Variants in DRC3 observed in about 807,000 individuals in gnomAD.
DRC3 encodes the protein leucine rich repeat containing 48.
In DRC3, 45 loss-of-function variants were observed where a neutral mutation model predicts 57.6. The ratio of observed to expected loss-of-function variants is 0.78; its 90% CI spans 0.62 to 1.00. The LOEUF is 1.00. Ranked by LOEUF, DRC3 falls within the 50% of genes least tolerant of loss-of-function variation. The pLI, the probability that DRC3 is intolerant of heterozygous loss-of-function variation, is 0.00. For synonymous variants in DRC3, 257 were observed against 272.3 expected (o/e 0.94, Z 0.55); for missense variants, 655 against 675.2 (o/e 0.97, Z 0.33).
At chr17:17,999,502 G>T (rs1014960657) in intron 9 of DRC3, among the ~76,000 whole-genome samples, 13 of 152,112 alleles carry the variant, frequency 8.5e-5, no homozygotes, top group African/African-American at 3.1e-4. Flanking sequence ...CTCCCTGACA[G>T]GCCCTCTCCT....
At chr17:17,990,335 G>A (rs1433131125) in intron 5 of DRC3, among the ~76,000 whole-genome samples, 1 of 152,230 alleles carries the variant, frequency 6.6e-6, no homozygotes, top group African/African-American at 2.4e-5. Context: ...TGCCAGACAG[G>A]CAGCATCCAA....
chr17:18,009,345 G>A (rs1471893191), intron 12 of DRC3, among the ~76,000 whole-genome samples: 1 of 152,164 alleles, frequency 6.6e-6, no homozygotes, highest in Non-Finnish European at 1.5e-5. Context: ...GGAAGTCAAG[G>A]TGAGCCATGA....
intron 5 of DRC3, among the ~76,000 whole-genome samples, chr17:17,989,782 T>C (rs1301434591): frequency 6.6e-6 from 1 of 152,190 alleles, no homozygotes; most frequent in Non-Finnish European, 1.5e-5. Context: ...GGATTAACTT[T>C]CTTGCCACCT....
chr17:18,006,942 A>G (rs2043975937), intron 11 of DRC3, 82 bp from the exon 12 acceptor site: 1 of 1,575,120 alleles, frequency 6.3e-7, no homozygotes, highest in Non-Finnish European at 8.6e-7. Flanking sequence ...TGGGCCCTTA[A>G]AGTCTGTCTC....
intron 4 of DRC3, among the ~76,000 whole-genome samples, chr17:17,986,480 T>G (rs573498631): frequency 6.6e-6 from 1 of 151,554 alleles, no homozygotes; most frequent in Non-Finnish European, 1.5e-5. Flanking sequence ...TTTTTTTTTT[T>G]TTTTTTGGAC....
chr17:18,005,462 G>A (rs1361786087), intron 10 of DRC3: 1 of 152,284 alleles, frequency 6.6e-6, no homozygotes, highest in Non-Finnish European at 1.5e-5. Context: ...GGGGCACTCC[G>A]AGAGTGGCAG....
At chr17:17,975,791 G>C (rs1200058437) in intron 2 of DRC3, among the ~76,000 whole-genome samples, 1 of 152,214 alleles carries the variant, frequency 6.6e-6, no homozygotes, top group Non-Finnish European at 1.5e-5. Flanking sequence ...AGGTGGAGAA[G>C]GGGTAGGGGT....
chr17:17,994,247 G>T lies in DRC3; in HGVS notation c.592-52G>T. ...TGGCAGAGGCGGCATGGCAGAGGCG[G>T]TGTGGCTCGGAGGAACCTCTGGTAA... On this transcript the variant is annotated intron_variant, in intron 6 of 13. Transcript: ENST00000399187. The T allele has an allele frequency of 2.6e-6, 4 of 1,541,334 alleles. No individual in the cohort carries two copies. The East Asian group carries it at 7.4e-5, about 28-fold the overall frequency.
At position 17,992,772 on chromosome 17, in the gene DRC3, A is replaced by C. The variant is rs778159280; in HGVS notation, c.452A>C (p.Tyr151Ser). 1 of 1,613,314 alleles carries C rather than the reference A, an allele frequency of 6.2e-7. No individual in the cohort carries two copies. The change falls in exon 6 of 14, where the codon TAC becomes TCC. Residue 151 changes from tyrosine to serine, a missense_variant. By Grantham distance (144) the Tyr-to-Ser change is moderately radical. Transcript: ENST00000399187. Reference protein sequence around the residue: ...NRIDNMMNIIYLRRFKCLRTL... With the variant: ...NRIDNMMNIISLRRFKCLRTL... Reference sequence around the variant, plus strand: ...CTCCCTTTTTCTCCCCAGATCATCTACCTCCGGCGGTTCAAGTGCCTGCGG... The same window carrying C: ...CTCCCTTTTTCTCCCCAGATCATCTCCCTCCGGCGGTTCAAGTGCCTGCGG...
intron 6 of DRC3, chr17:17,993,641 G>A (rs573466871): frequency 6.5e-6 from 1 of 153,186 alleles, no homozygotes; most frequent in African/African-American, 2.4e-5. Flanking sequence ...AGAGGCTCAG[G>A]CCTGGCTCTC....
chr17:17,981,061 C>G (rs893709204), intron 3 of DRC3: 2 of 156,140 alleles, frequency 1.3e-5, no homozygotes, highest in Admixed American at 6.5e-5. Context: ...CCAGGAAACC[C>G]TGGCTCCCGC....
chr17:18,007,861 A>G (rs1391709968), intron 12 of DRC3: 12 of 1,009,108 alleles, frequency 1.2e-5, no homozygotes, highest in Non-Finnish European at 1.4e-5. Flanking sequence ...CTGTCGCGAC[A>G]TCACCACCAA....
At chr17:18,004,770 C>T in intron 10 of DRC3, 5 of 405,768 alleles carry the variant, frequency 1.2e-5, no homozygotes, top group Admixed American at 3.9e-5. Flanking sequence ...TTTGATTAGA[C>T]CCCTGGAGCT....
In DRC3 at chr17:18,000,211, T is replaced by C. The variant is rs1228474725; in HGVS notation, c.999+2577T>C. On this transcript the variant is annotated intron_variant, in intron 9 of 13. Coordinates refer to ENST00000399187, the MANE Select transcript of DRC3 (RefSeq NM_031294.4). Reference sequence around the variant, plus strand: ...GCTTTCCTCTGTGTGTGTGTGTGTGTGCATAGCATGCCGTTCTGTACTTTG... The same window carrying C: ...GCTTTCCTCTGTGTGTGTGTGTGTGCGCATAGCATGCCGTTCTGTACTTTG... 6.1e-5 allele frequency among the ~76,000 whole-genome samples: 9 copies of C among 148,012 alleles called. No individual in the cohort carries two copies. In the East Asian group the frequency reaches 1.3e-3, roughly 21 times the overall value.
chr17:17,983,637 C>T (rs1157049206), intron 3 of DRC3, among the ~76,000 whole-genome samples, 191 bp from the exon 4 acceptor site: 4 of 152,116 alleles, frequency 2.6e-5, no homozygotes, highest in Non-Finnish European at 5.9e-5. Context: ...GTGGCAGTAC[C>T]GATCCCCGCC....
At chr17:18,001,287 T>C (rs2043721895) in intron 9 of DRC3, among the ~76,000 whole-genome samples, 1 of 152,112 alleles carries the variant, frequency 6.6e-6, no homozygotes, top group Admixed American at 6.6e-5. Context: ...GTGGATCACC[T>C]GAGGTCAGGA....
At chr17:17,993,907 T>C in intron 6 of DRC3, 1 of 239,080 alleles carries the variant, frequency 4.2e-6, no homozygotes, top group Non-Finnish European at 8.4e-6. Context: ...TTGTCCTCCT[T>C]CCCTAAAAGA....
In DRC3 at chr17:18,008,518, A is replaced by C. The variant is rs2044058148; in HGVS notation, c.1326+1371A>C. On this transcript the variant is annotated intron_variant, in intron 12 of 13. Transcript: ENST00000399187. This position sits in a 1 kb window ranked among gnomAD's most constrained non-coding sequence, Gnocchi z 4.3. ...GATGCCAGGCATCATCTGCAGAATG[A>C]GTGTGAGAGCGTATGCTCACCAAGC... 1.3e-5 allele frequency among the ~76,000 whole-genome samples: 2 copies of C among 152,234 alleles called. 1 individual carries two copies. The highest frequency in any genetic ancestry group is 4.1e-4 in the South Asian group (2 of 4,832).
At chr17:17,990,799 T>G (rs2043191761) in intron 5 of DRC3, among the ~76,000 whole-genome samples, 1 of 152,142 alleles carries the variant, frequency 6.6e-6, no homozygotes. Context: ...CGAGATAAGC[T>G]TGGCCAACAT....
Sources: gnomAD v4.1 joint callset for allele counts (sites outside exome capture counted in the v4.1 genomes callset) on GRCh38, gnomAD v4.1.1 for gene constraint, Gnocchi (gnomAD v3.1) non-coding constraint, MANE v1.5 for transcripts, NCBI Gene and HGNC (gene_info 2026-07-23, HGNC 2026-07-21) for gene names.